Variants in RBFOX1 observed in about 807,000 individuals in gnomAD.
The protein encoded by RBFOX1 is RNA binding protein fox-1 homolog 1.
Under a neutral mutation model 57.7 loss-of-function variants are expected in RBFOX1, and 8 were observed. The observed-to-expected ratio is 0.14, with a 90% CI of 0.08 to 0.25. RBFOX1 has a LOEUF of 0.25. Ranked by LOEUF, RBFOX1 falls within the 10% of genes least tolerant of loss-of-function variation. The pLI is 1.00. For synonymous variants in RBFOX1, 326 were observed against 222.4 expected, an observed-to-expected ratio of 1.47 and a Z score of -4.15; for missense variants, 611 against 548.5, an observed-to-expected ratio of 1.11 and a Z score of -1.14.
intron 13 of RBFOX1, among the ~76,000 whole-genome samples, chr16:7,668,487 C>T (rs2070192608): frequency 6.6e-6 from 1 of 152,130 alleles, no homozygotes; most frequent in Admixed American, 6.5e-5. Flanking sequence ...AAAGACAAAG[C>T]CTTCAATCCT....
chr16:5,603,443 C>T (rs1488952396), downstream of RBFOX1, among the ~76,000 whole-genome samples: 1 of 152,154 alleles, frequency 6.6e-6, no homozygotes, highest in Non-Finnish European at 1.5e-5. Flanking sequence ...TCCCATGCTG[C>T]ATTGAGCTGA....
intron 4 of RBFOX1, among the ~76,000 whole-genome samples, chr16:7,095,125 C>G (rs1043327801): frequency 2.6e-5 from 4 of 151,316 alleles, no homozygotes; most frequent in African/African-American, 7.3e-5. Flanking sequence ...TTTTCTTTTT[C>G]TTTTGAGATG....
chr16:5,599,036 C>T (rs564553237), exon 3 of RBFOX1: 46 of 1,258,100 alleles, frequency 3.7e-5, no homozygotes, highest in East Asian at 1.3e-4. Context: ...CTTTGGTCTC[C>T]GTCATCAATC....
rs201393766 is a variant in RBFOX1 at position 6,487,751 on chromosome 16, AT to A, written c.-63-166851del. 7.0e-4 allele frequency among the ~76,000 whole-genome samples: 51 copies of A among 72,938 alleles called. 1 individual carries two copies. The highest frequency in any genetic ancestry group is 2.2e-3 in the African/African-American group (42 of 19,208). 47.9% of individuals were successfully genotyped at this position (72,938 alleles called of 152,430 possible). ...TATATATATATATATATATATATATATATAAAATATTATGCAGTGATGGGCA... is the reference window on the plus strand; with the variant it reads ...TATATATATATATATATATATATATAATAAAATATTATGCAGTGATGGGCA... On this transcript the variant is annotated intron_variant, in intron 2 of 15. Transcript: ENST00000550418.
intron 2 of RBFOX1, among the ~76,000 whole-genome samples, chr16:6,396,065 C>CAAA (rs1165644198): frequency 0.3 from 18,082 of 61,158 alleles, 2,289 homozygotes; most frequent in Non-Finnish European, 0.32. Flanking sequence ...GACTCCTTCT[C>CAAA]AAAAAAAAAA....
At chr16:6,617,486 C>G (rs961178636) in intron 2 of RBFOX1, among the ~76,000 whole-genome samples, 15 of 151,886 alleles carry the variant, frequency 9.9e-5, no homozygotes, top group African/African-American at 3.4e-4. Context: ...TGATTTCAAA[C>G]TTGTATTTTT....
At chr16:5,452,998 C>T (rs973452963) in intron 1 of RBFOX1, among the ~76,000 whole-genome samples, 1 of 152,156 alleles carries the variant, frequency 6.6e-6, no homozygotes, top group Non-Finnish European at 1.5e-5. Context: ...ATTCACTGCT[C>T]CTGGGCATTT....
chr16:7,349,539 T>TC (rs1358091856), intron 4 of RBFOX1, among the ~76,000 whole-genome samples: 3 of 151,842 alleles, frequency 2.0e-5, no homozygotes, highest in Non-Finnish European at 4.4e-5. Context: ...CTTTTTTTTT[T>TC]CCAATCAGTA....
chr16:6,466,555 G>T (rs541723537), intron 2 of RBFOX1, among the ~76,000 whole-genome samples: 8 of 152,252 alleles, frequency 5.3e-5, no homozygotes, highest in Non-Finnish European at 1.2e-4. Flanking sequence ...GATGCTTGCT[G>T]GGTTAAGACC....
At chr16:7,339,454 A>G (rs1364436853) in intron 4 of RBFOX1, among the ~76,000 whole-genome samples, 1 of 152,048 alleles carries the variant, frequency 6.6e-6, no homozygotes, top group Non-Finnish European at 1.5e-5. Context: ...TATTATTATT[A>G]TTTTGTGACG....
intron 10 of RBFOX1, among the ~76,000 whole-genome samples, chr16:7,615,940 A>G (rs2058368222): frequency 6.6e-6 from 1 of 152,236 alleles, no homozygotes; most frequent in Admixed American, 6.5e-5. Context: ...CTCATGCCCC[A>G]CTGGTTGCTA....
In RBFOX1 at chr16:5,454,935, CT is replaced by C. The variant is rs1567535623; in HGVS notation, c.220-12279del. 7.7e-4 allele frequency among the ~76,000 whole-genome samples: 31 copies of C among 40,166 alleles called. No homozygotes were observed. In the East Asian group the frequency reaches 0.018, roughly 23 times the overall value. The allele number at this position is 40,166 out of a possible 152,430, so 26.4% of individuals were successfully genotyped here. A position where few individuals can be genotyped will look rare whatever the true frequency, so the allele number is the denominator to read the frequency against. On this transcript the variant is annotated intron_variant, in intron 1 of 2. Transcript: ENST00000585867. ...CTTTCCTTTGTTTCTTTCTTCCTTC[CT>C]TCCTTCCTTCCTTCCTTCCTTCCTT...
intron 3 of RBFOX1, among the ~76,000 whole-genome samples, chr16:6,925,463 T>TATTG (rs386384133): frequency 6.6e-6 from 1 of 151,344 alleles, no homozygotes; most frequent in African/African-American, 2.4e-5. Context: ...CACATTTATT[T>TATTG]ATTTATTTAT....
intron 4 of RBFOX1, among the ~76,000 whole-genome samples, chr16:7,266,612 G>A (rs909080360): frequency 6.6e-6 from 1 of 152,116 alleles, no homozygotes; most frequent in African/African-American, 2.4e-5. Context: ...TTGGAGGTTA[G>A]GGCTTCCGCA....
At chr16:6,748,009 A>G (rs965064166) in intron 3 of RBFOX1, among the ~76,000 whole-genome samples, 18 of 152,302 alleles carry the variant, frequency 1.2e-4, no homozygotes, top group Middle Eastern at 6.8e-3. Context: ...CTTAGGTTGT[A>G]TGATTTGAAG....
chr16:6,685,550 A>T (rs557089592), intron 3 of RBFOX1, among the ~76,000 whole-genome samples: 1 of 151,318 alleles, frequency 6.6e-6, no homozygotes, highest in Admixed American at 6.6e-5. Context: ...ACTCTCCCAA[A>T]GTGCTGGGAT....
chr16:7,160,032 G>C (rs1317030374), intron 4 of RBFOX1, among the ~76,000 whole-genome samples: 1 of 152,056 alleles, frequency 6.6e-6, no homozygotes, highest in African/African-American at 2.4e-5. Flanking sequence ...CATTATCTGT[G>C]CAACTGTGTC....
intron 4 of RBFOX1, among the ~76,000 whole-genome samples, chr16:7,439,895 T>G (rs1469866490): frequency 6.6e-6 from 1 of 152,050 alleles, no homozygotes; most frequent in Non-Finnish European, 1.5e-5. Context: ...TGCTTTGTAT[T>G]AGCAGTCAAG....
At chr16:5,504,151 A>G (rs978071567) in intron 2 of RBFOX1, among the ~76,000 whole-genome samples, 2 of 152,224 alleles carry the variant, frequency 1.3e-5, no homozygotes, top group Admixed American at 1.3e-4. Context: ...AGCTTGGCTC[A>G]GGATTACTCA....
Sources: allele counts gnomAD v4.1 joint callset (sites outside exome capture counted in the v4.1 genomes callset), GRCh38; gene constraint gnomAD v4.1.1; transcripts MANE v1.5; gene names NCBI Gene and HGNC (gene_info 2026-07-23, HGNC 2026-07-21).